The following DDX60L variants were observed in gnomAD, a reference collection of about 807,000 sequenced individuals.
DDX60L encodes the protein probable ATP-dependent RNA helicase DDX60-like.
A neutral mutation model predicts 211.6 loss-of-function variants in DDX60L; 191 were observed. That is an observed-to-expected ratio of 0.90 (90% CI 0.80 to 1.02). The LOEUF is 1.02. Among genes scored for constraint, DDX60L ranks in the 50% least tolerant of loss-of-function variants. The pLI, the probability that DDX60L is intolerant of heterozygous loss-of-function variation, is 0.00. For synonymous variants in DDX60L, 706 were observed against 694.1 expected (o/e 1.02, Z -0.27); for missense variants, 2,007 against 1,984.1 (o/e 1.01, Z -0.22).
chr4:168,402,166 C>T (rs576730845), intron 25 of DDX60L, among the ~76,000 whole-genome samples: 61 of 130,738 alleles, frequency 4.7e-4, no homozygotes, highest in East Asian at 2.2e-3. Context: ...CTTGCTCTGT[C>T]GCCCAGACTG....
At chr4:168,368,788 A>G (rs987543318) in intron 36 of DDX60L, among the ~76,000 whole-genome samples, 3 of 152,226 alleles carry the variant, frequency 2.0e-5, no homozygotes, top group African/African-American at 7.2e-5. Context: ...CATGGAGTCA[A>G]AAGAGATCAT....
intron 18 of DDX60L, 43 bp from the exon 19 acceptor site, chr4:168,419,440 T>C: frequency 7.1e-7 from 1 of 1,415,078 alleles, no homozygotes; most frequent in Non-Finnish European, 9.7e-7. Flanking sequence ...TATGGAGCAT[T>C]AATTTTATAT....
In DDX60L at chr4:168,420,296, T is replaced by C. The variant is rs373884174; in HGVS notation, c.2479A>G (p.Thr827Ala). The change falls in exon 18 of 38, where the codon ACA becomes GCA. Residue 827 changes from threonine (T) to alanine (A), a missense_variant. Thr to Ala is a moderately conservative substitution (Grantham distance 58). Coordinates refer to ENST00000682922, the MANE Select transcript of DDX60L (RefSeq NM_001012967.3). ...AGTACATTGTGACAATAATCTCTTG[T>C]AAAAGCACCGCATAGAGTTCTGCCG... ...PAGRTLCGAF[T>A]RDYCHNVLNC... is the part of the protein sequence containing the mutation. The C allele has an allele frequency of 3.1e-6, 5 of 1,607,220 alleles. No homozygotes were observed. The highest frequency in any genetic ancestry group is 2.2e-5 in the South Asian group (2 of 89,530).
chr4:168,420,349 T>A lies in DDX60L; in HGVS notation c.2426A>T (p.Glu809Val), dbSNP rs1233880203. The A allele has an allele frequency of 8.1e-6, 13 of 1,610,918 alleles. No homozygotes were observed. Among genetic ancestry groups the A allele is most frequent in the Non-Finnish European group, 1.1e-5 (13 of 1,179,334 alleles). The change falls in exon 18 of 38, where the codon GAG becomes GTG. Residue 809 changes from glutamate (E) to valine (V), a missense_variant. By Grantham distance (121) the Glu-to-Val change is moderately radical. Transcript: ENST00000682922. ...AGGCAACGTTTTAGTAAAACGATTC[T>A]CAACAGTTGCAGCCACTTGACCAAC... ...SLVGQVAATV[E>V]NRFTKTLPAG... is the part of the protein sequence containing the mutation.
chr4:168,455,979 T>C lies in DDX60L; in HGVS notation c.837+60A>G, dbSNP rs1756514551. 1.2e-5 allele frequency: 14 copies of C among 1,155,676 alleles called. No homozygotes were observed. The South Asian group carries it at 2.1e-4, about 17-fold the overall frequency. The allele number at this position is 1,155,676 out of a possible 1,614,324, so 71.6% of individuals were successfully genotyped here. A position where few individuals can be genotyped will look rare whatever the true frequency, so the allele number is the denominator to read the frequency against. ...GAACCTGATGCCACCAGTGAAGTTA[T>C]ACCAGTTACACCTGATGAATGACAG... On this transcript the variant is annotated intron_variant, in intron 7 of 37. Coordinates refer to ENST00000682922, the MANE Select transcript of DDX60L (RefSeq NM_001012967.3).
chr4:168,465,902 T>C (rs933400380), intron 4 of DDX60L, among the ~76,000 whole-genome samples: 10 of 152,180 alleles, frequency 6.6e-5, no homozygotes, highest in African/African-American at 1.9e-4. Context: ...TAGAGCTTTG[T>C]GGAATACTTT....
At chr4:168,371,906 C>A in intron 35 of DDX60L, 143 bp from the exon 36 acceptor site, 1 of 743,426 alleles carries the variant, frequency 1.3e-6, no homozygotes. Context: ...AGGGGGATTC[C>A]CATGGGGGTT....
At chr4:168,369,028 C>T (rs1366184308) in intron 36 of DDX60L, among the ~76,000 whole-genome samples, 1 of 152,148 alleles carries the variant, frequency 6.6e-6, no homozygotes, top group Non-Finnish European at 1.5e-5. Flanking sequence ...TGAGTTAATG[C>T]TGAAATGAGT....
At chr4:168,425,137 T>A (rs1485427555) in intron 14 of DDX60L, among the ~76,000 whole-genome samples, 1 of 152,244 alleles carries the variant, frequency 6.6e-6, no homozygotes, top group Non-Finnish European at 1.5e-5. Context: ...GACACTGAAC[T>A]GCCTATCTCT....
Position 168,453,136 on chromosome 4 carries a change from A to G in DDX60L, c.984T>C (p.Ser328=). The stretch of plus-strand genomic sequence containing the variant: ...AAAATATGTTTACCATTTTTAAGAA[A>G]GAATCACTGTTCCTAATCCAAGAGC... ...ITCSWIRNSD[S]FLKMNKWCEY... The change falls in exon 8 of 38, where the codon TCT becomes TCC. Residue 328 remains serine, a synonymous_variant. Coordinates refer to ENST00000682922, the MANE Select transcript of DDX60L (RefSeq NM_001012967.3). 6.2e-7 allele frequency: 1 copy of G among 1,605,012 alleles called. No individual in the cohort carries two copies. The highest frequency in any genetic ancestry group is 1.3e-5 in the African/African-American group (1 of 74,544).
intron 28 of DDX60L, among the ~76,000 whole-genome samples, chr4:168,393,120 G>A (rs4692655): frequency 0.87 from 133,163 of 152,194 alleles, 60,614 homozygotes; most frequent in Non-Finnish European, 1. Flanking sequence ...AAACTGAGCA[G>A]AGTTGTTCAC....
chr4:168,423,128 C>T (rs1750922748), intron 15 of DDX60L, among the ~76,000 whole-genome samples: 1 of 151,986 alleles, frequency 6.6e-6, no homozygotes, highest in African/African-American at 2.4e-5. Flanking sequence ...GCCTACTATG[C>T]TTTTAAATAG....
chr4:168,414,303 A>C (rs1749161414), intron 22 of DDX60L, among the ~76,000 whole-genome samples: 1 of 152,216 alleles, frequency 6.6e-6, no homozygotes, highest in Non-Finnish European at 1.5e-5. Context: ...ACTAGTAAGT[A>C]CACAGAAAAA....
Position 168,471,923 on chromosome 4 carries a change from A to C in DDX60L, c.88T>G (p.Leu30Val). Residue 30 changes from leucine (L) to valine (V), a missense_variant, in exon 4 of 38, where the codon TTA becomes GTA. Transcript: ENST00000682922. ...EMPKAGYSSI[L>V]NDFVESNFFV... ...AAATTAGATTCCACAAAATCATTTA[A>C]TATGCTGGAATACCTAAAATAAAAA... is the stretch of plus-strand genomic sequence containing the variant. The C allele has an allele frequency of 6.3e-7, 1 of 1,597,680 alleles. No homozygotes were observed. Among genetic ancestry groups the C allele is most frequent in the Non-Finnish European group, 8.5e-7 (1 of 1,172,180 alleles).
At chr4:168,437,204 G>A (rs1753162303) in intron 10 of DDX60L, among the ~76,000 whole-genome samples, 1 of 152,168 alleles carries the variant, frequency 6.6e-6, no homozygotes, top group African/African-American at 2.4e-5. Flanking sequence ...ACCTTATTTT[G>A]AAATAGGGTC....
intron 8 of DDX60L, among the ~76,000 whole-genome samples, chr4:168,449,662 A>AAAAAAAAAAAAAAAAAAAAAAT (rs1561098798): frequency 1.2e-5 from 1 of 83,538 alleles, no homozygotes; most frequent in Non-Finnish European, 2.7e-5. Context: ...CAAAAAAAAA[A>AAAAAAAAAAAAAAAAAAAAAAT]AAAGAAAAAA....
At chr4:168,443,404 G>C (rs2150010001) in intron 9 of DDX60L, among the ~76,000 whole-genome samples, 1 of 152,038 alleles carries the variant, frequency 6.6e-6, no homozygotes, top group East Asian at 1.9e-4. Flanking sequence ...CGTCTGATTG[G>C]TGTACCTGAA....
At chr4:168,458,821 A>T (rs904952617) in intron 5 of DDX60L, among the ~76,000 whole-genome samples, 1 of 152,208 alleles carries the variant, frequency 6.6e-6, no homozygotes, top group Admixed American at 6.5e-5. Flanking sequence ...AGTTAAATTA[A>T]TTTTTTTAGT....
At chr4:168,419,280 A>G in intron 19 of DDX60L, 22 bp downstream of exon 19, 4 of 1,539,734 alleles carry the variant, frequency 2.6e-6, no homozygotes, top group Non-Finnish European at 3.5e-6. Context: ...AACATCAACC[A>G]GAGAACTAAC....
Sources: gnomAD v4.1 joint callset for allele counts (sites outside exome capture counted in the v4.1 genomes callset) on GRCh38, gnomAD v4.1.1 for gene constraint, MANE v1.5 for transcripts, NCBI Gene and HGNC (gene_info 2026-07-23, HGNC 2026-07-21) for gene names.